ZFP90: variants seen among roughly 807,000 people sequenced by gnomAD.
ZFP90 encodes the protein ZFP90 zinc finger protein.
In ZFP90, 38 loss-of-function variants were observed where a neutral mutation model predicts 60.8. The ratio of observed to expected loss-of-function variants is 0.62; its 90% CI spans 0.48 to 0.82. The LOEUF (loss-of-function observed/expected upper bound fraction) is 0.82. ZFP90 is among the 40% of genes least tolerant of loss of function. ZFP90 has a pLI of 0.00. For missense variants in ZFP90, 711 were observed against 759.1 expected, an observed-to-expected ratio of 0.94 and a Z score of 0.74; for synonymous variants, 287 against 264.8, an observed-to-expected ratio of 1.08 and a Z score of -0.82.
chr16:68,558,178 G>T (rs1292412384), intron 3 of ZFP90, 54 bp downstream of exon 3: 2 of 1,601,700 alleles, frequency 1.2e-6, no homozygotes, highest in Admixed American at 3.4e-5. Flanking sequence ...TCCTTCCTTG[G>T]TTGCTATAGT....
upstream of ZFP90, chr16:68,535,464 G>A (rs1381322419): frequency 6.6e-6 from 1 of 152,142 alleles, no homozygotes; most frequent in African/African-American, 2.4e-5. Flanking sequence ...TGGGGTCTGG[G>A]TTTTGTCACT....
upstream of ZFP90, among the ~76,000 whole-genome samples, chr16:68,535,295 A>G (rs1163403795): frequency 6.6e-6 from 1 of 152,232 alleles, no homozygotes; most frequent in Admixed American, 6.5e-5. Context: ...TTTGGTTACA[A>G]ATTCTCGGGA....
chr16:68,552,252 C>G (rs1050251771), intron 2 of ZFP90, among the ~76,000 whole-genome samples: 1 of 152,104 alleles, frequency 6.6e-6, no homozygotes, highest in African/African-American at 2.4e-5. Context: ...CTATTTACTC[C>G]GGCAAACTTT....
intron 2 of ZFP90, among the ~76,000 whole-genome samples, chr16:68,547,836 CTTT>C (rs1555498464): frequency 7.4e-6 from 1 of 136,000 alleles, no homozygotes; most frequent in Non-Finnish European, 1.6e-5. Flanking sequence ...GTTGATCTCT[CTTT>C]TTTTTTTTTT....
downstream of ZFP90, among the ~76,000 whole-genome samples, chr16:68,567,978 T>G (rs187778659): frequency 6.6e-6 from 1 of 152,300 alleles, no homozygotes; most frequent in African/African-American, 2.4e-5. Flanking sequence ...GGTGGTTAAT[T>G]CCTACTCATC....
chr16:68,553,788 T>G (rs1443360547), intron 2 of ZFP90, among the ~76,000 whole-genome samples: 1 of 151,982 alleles, frequency 6.6e-6, no homozygotes, highest in Non-Finnish European at 1.5e-5. Context: ...CCAGCTAATT[T>G]TAAAAAATTT....
At chr16:68,533,561 GTC>G (rs2090941214) in intron 1 of ZFP90, 1 of 152,204 alleles carries the variant, frequency 6.6e-6, no homozygotes, top group South Asian at 2.1e-4. Flanking sequence ...ACTTTAATGA[GTC>G]TCTGTTGATG....
In ZFP90 at chr16:68,565,736, A is replaced by C. The variant is rs1435316899; in HGVS notation, c.*1038A>C. ...CGTTAATTTTCTTGCAGAAAAGTTA[A>C]GTCTAATTGCCCATTGCCATAAATT... On this transcript the variant is annotated 3_prime_UTR_variant, in exon 5 of 5. Transcript: ENST00000563169. 1 of 985,466 alleles carries C rather than the reference A, an allele frequency of 1.0e-6. No homozygotes were observed. The highest frequency in any genetic ancestry group is 1.7e-5 in the African/African-American group (1 of 57,242). 61.0% of individuals were successfully genotyped at this position (985,466 alleles called of 1,614,324 possible).
downstream of ZFP90, among the ~76,000 whole-genome samples, chr16:68,569,525 T>A (rs929952043): frequency 6.6e-6 from 1 of 152,208 alleles, no homozygotes; most frequent in Admixed American, 6.5e-5. Flanking sequence ...ATTTTATGAC[T>A]TCTCTCTTTA....
intron 2 of ZFP90, chr16:68,573,839 G>A (rs554782988): frequency 4.6e-5 from 7 of 152,410 alleles, no homozygotes; most frequent in South Asian, 2.1e-4. Flanking sequence ...TAGGGACTAC[G>A]TTCCCCGAAA....
At chr16:68,543,962 C>G (rs2091099692) in intron 2 of ZFP90, among the ~76,000 whole-genome samples, 1 of 151,684 alleles carries the variant, frequency 6.6e-6, no homozygotes, top group African/African-American at 2.4e-5. Context: ...AAGCAATTCT[C>G]CTGCCTCAGC....
chr16:68,556,118 C>A (rs2091339863), intron 2 of ZFP90, among the ~76,000 whole-genome samples: 1 of 152,060 alleles, frequency 6.6e-6, no homozygotes, highest in Admixed American at 6.6e-5. Context: ...TGCAGTGATT[C>A]ATGATTGAGC....
chr16:68,550,321 G>A (rs1267926384), intron 2 of ZFP90, among the ~76,000 whole-genome samples: 2 of 152,074 alleles, frequency 1.3e-5, no homozygotes, highest in African/African-American at 2.4e-5. Flanking sequence ...GTGTAGTGGC[G>A]CAATCTTGGC....
At chr16:68,557,150 G>C (rs1307561985) in intron 2 of ZFP90, 1 of 453,486 alleles carries the variant, frequency 2.2e-6, no homozygotes, top group Admixed American at 2.4e-5. Context: ...ACCATGCCAG[G>C]CTAATTTTTT....
intron 2 of ZFP90, among the ~76,000 whole-genome samples, chr16:68,552,684 C>G (rs1311343294): frequency 6.6e-6 from 1 of 152,024 alleles, no homozygotes; most frequent in East Asian, 1.9e-4. Context: ...CTGTGGAGGT[C>G]CCCAGGGGAC....
chr16:68,563,589 C>G lies in ZFP90; in HGVS notation c.802C>G (p.Gln268Glu). The G allele has an allele frequency of 6.2e-7, 1 of 1,614,198 alleles. No homozygotes were observed. Among genetic ancestry groups the G allele is most frequent in the South Asian group, 1.1e-5 (1 of 91,080 alleles). Residue 268 changes from glutamine to glutamate, a missense_variant, in exon 5 of 5, where the codon CAG becomes GAG. Physicochemically the swap from Gln to Glu is conservative, Grantham distance 29. This residue lies in a region of ZFP90 where 146 missense variants were observed against 201.4 expected (regional missense o/e 0.73). Coordinates refer to ENST00000563169, the MANE Select transcript of ZFP90 (RefSeq NM_001305203.2). ...TGGGAAAACCTTTCTCTGGAAGACA[C>G]AGCTTACTGAGCATCAGAGAATTCA... ...DCGKTFLWKT[Q>E]LTEHQRIHTG...
Position 68,566,952 on chromosome 16 carries a change from G to T in ZFP90, c.*2254G>T, listed in dbSNP as rs7118. ...GATCCAGCCACCACTCTGAAACTCA[G>T]CACATCTTCATTGACAGGGAGGGAG... On this transcript the variant is annotated 3_prime_UTR_variant, in exon 5 of 5. Coordinates refer to ENST00000563169, the MANE Select transcript of ZFP90 (RefSeq NM_001305203.2). 755,313 of 985,398 alleles carry T rather than the reference G, an allele frequency of 0.77. 289,589 individuals carry two copies. The highest frequency in any genetic ancestry group is 0.81 in the East Asian group (7,243 of 8,948). The allele number at this position is 985,398 out of a possible 1,614,324, so 61.0% of individuals were successfully genotyped here.
At chr16:68,557,055 A>G (rs1009960214) in intron 2 of ZFP90, 5 of 387,362 alleles carry the variant, frequency 1.3e-5, no homozygotes, top group East Asian at 7.3e-5. Flanking sequence ...TGGCATGATC[A>G]TGGCTCACTG....
intron 2 of ZFP90, among the ~76,000 whole-genome samples, chr16:68,541,863 C>T (rs561389824): frequency 6.6e-6 from 1 of 152,228 alleles, no homozygotes; most frequent in South Asian, 2.1e-4. Flanking sequence ...GATTCATGTT[C>T]TGAGCAGTGA....
Sources: gnomAD v4.1 joint callset for allele counts (sites outside exome capture counted in the v4.1 genomes callset) on GRCh38, gnomAD v4.1.1 for gene constraint, gnomAD v4.1.1 regional missense constraint, MANE v1.5 for transcripts, NCBI Gene and HGNC (gene_info 2026-07-23, HGNC 2026-07-21) for gene names.